GUCY1A2: variants seen among roughly 807,000 people sequenced by gnomAD.
GUCY1A2 encodes the protein guanylate cyclase 1 soluble subunit alpha 2.
A neutral mutation model predicts 63.5 loss-of-function variants in GUCY1A2; 27 were observed. The observed-to-expected ratio is 0.43, with a 90% confidence interval of 0.31 to 0.59. The LOEUF is 0.59. GUCY1A2 is among the 20% of genes least tolerant of loss of function. GUCY1A2 has a pLI of 0.11. For synonymous variants in GUCY1A2, 364 were observed against 343.5 expected (o/e 1.06, Z -0.66); for missense variants, 768 against 913.3 (o/e 0.84, Z 2.05).
At chr11:106,909,126 A>C (rs575189009) in intron 4 of GUCY1A2, among the ~76,000 whole-genome samples, 9 of 152,020 alleles carry the variant, frequency 5.9e-5, no homozygotes, top group Non-Finnish European at 1.2e-4. Flanking sequence ...TATTATATAA[A>C]AGATAATAAG....
chr11:106,707,316 C>A (rs1024491776), intron 7 of GUCY1A2, among the ~76,000 whole-genome samples: 6 of 151,934 alleles, frequency 3.9e-5, no homozygotes, highest in African/African-American at 1.5e-4. Context: ...AATTTGGTAT[C>A]AAAAGTTTGA....
Position 106,687,690 on chromosome 11 carries a change from A to G in GUCY1A2, c.2058T>C (p.Phe686=). The change falls in exon 8 of 8, where the codon TTT becomes TTC. Residue 686 remains phenylalanine, a synonymous_variant. Transcript: ENST00000526355. ...PRSREELPDN[F]PKEIPGICYF... ...AGCAGATCCCAGGAATTTCCTTTGG[A>G]AAGTTGTCTGGAAGCTCTTCACGAG... is the stretch of plus-strand genomic sequence containing the variant. 6.2e-7 allele frequency: 1 copy of G among 1,613,552 alleles called. No homozygotes were observed. Among genetic ancestry groups the G allele is most frequent in the Non-Finnish European group, 8.5e-7 (1 of 1,179,464 alleles).
chr11:106,978,749 A>G lies in GUCY1A2; in HGVS notation c.366-9T>C. 6.3e-7 allele frequency: 1 copy of G among 1,588,556 alleles called. No homozygotes were observed. The highest frequency in any genetic ancestry group is 1.9e-5 in the Admixed American group (1 of 53,760). ...TTTCTGCATCCCTGTAACTAAGAAGAAAACAAAATTAGCATAAGGAGAAAT... is the reference window on the plus strand; with the variant it reads ...TTTCTGCATCCCTGTAACTAAGAAGGAAACAAAATTAGCATAAGGAGAAAT... On this transcript the variant is annotated splice_polypyrimidine_tract_variant and intron_variant, in intron 2 of 7. Coordinates refer to ENST00000526355, the MANE Select transcript of GUCY1A2 (RefSeq NM_000855.3).
chr11:106,803,272 T>C (rs181615876), intron 5 of GUCY1A2, among the ~76,000 whole-genome samples: 91 of 152,308 alleles, frequency 6.0e-4, no homozygotes, highest in Non-Finnish European at 9.1e-4. Context: ...AAATTCCATA[T>C]TGTAATTCAG....
chr11:106,682,690 A>G lies in GUCY1A2; in HGVS notation c.*4859T>C. ...AATCATGAAACATCTACATTCAATA[A>G]ACACAGATGCATACACACAAACTAA... On this transcript the variant is annotated 3_prime_UTR_variant, in exon 8 of 8. Coordinates refer to ENST00000526355, the MANE Select transcript of GUCY1A2 (RefSeq NM_000855.3). 4.7e-6 allele frequency: 1 copy of G among 211,302 alleles called. No homozygotes were observed. Among genetic ancestry groups the G allele is most frequent in the East Asian group, 7.1e-5 (1 of 14,098 alleles). The allele number at this position is 211,302 out of a possible 1,614,324, so 13.1% of individuals were successfully genotyped here. A position where few individuals can be genotyped will look rare whatever the true frequency, so the allele number is the denominator to read the frequency against.
intron 5 of GUCY1A2, among the ~76,000 whole-genome samples, chr11:106,791,517 A>T (rs1012593340): frequency 1.4e-5 from 2 of 143,024 alleles, no homozygotes; most frequent in Admixed American, 1.5e-4. Context: ...GTGCTTGTTG[A>T]ATTTGGTGTC....
chr11:106,986,656 A>G (rs575490881), intron 1 of GUCY1A2, among the ~76,000 whole-genome samples: 1 of 152,184 alleles, frequency 6.6e-6, no homozygotes. Context: ...TTTAAACTTA[A>G]ATGATATTTT....
chr11:106,747,181 A>G (rs1863804333), intron 6 of GUCY1A2, among the ~76,000 whole-genome samples: 1 of 151,894 alleles, frequency 6.6e-6, no homozygotes, highest in East Asian at 1.9e-4. Context: ...GTAGAGATGG[A>G]GTTTCACCGT....
chr11:107,012,033 T>C (rs1171036201), intron 1 of GUCY1A2, among the ~76,000 whole-genome samples: 1 of 152,180 alleles, frequency 6.6e-6, no homozygotes, highest in Non-Finnish European at 1.5e-5. Flanking sequence ...TCATGAAATA[T>C]CTACATTCTA....
intron 6 of GUCY1A2, among the ~76,000 whole-genome samples, chr11:106,718,847 T>C (rs1325700623): frequency 6.6e-6 from 1 of 152,114 alleles, no homozygotes. Context: ...AATAGCAGAA[T>C]TCAAGGATGA....
chr11:106,798,151 C>T (rs1178235586), intron 5 of GUCY1A2, among the ~76,000 whole-genome samples: 2 of 152,100 alleles, frequency 1.3e-5, no homozygotes, highest in Non-Finnish European at 2.9e-5. Flanking sequence ...CGCAAATAAA[C>T]TAGAAAATCT....
At chr11:106,753,218 G>T (rs924036432) in intron 6 of GUCY1A2, among the ~76,000 whole-genome samples, 60 of 152,104 alleles carry the variant, frequency 3.9e-4, no homozygotes, top group Non-Finnish European at 7.1e-4. Flanking sequence ...GGGGTTGTTT[G>T]TATTTTTCTT....
chr11:106,987,170 T>A (rs1448796774), intron 1 of GUCY1A2, among the ~76,000 whole-genome samples: 5 of 152,244 alleles, frequency 3.3e-5, no homozygotes, highest in Admixed American at 2.6e-4. Flanking sequence ...CAAGGATGAA[T>A]TCTTGGGGAA....
chr11:106,872,444 G>A (rs894237902), intron 4 of GUCY1A2, among the ~76,000 whole-genome samples: 1 of 152,144 alleles, frequency 6.6e-6, no homozygotes. Flanking sequence ...AGGCTGGAAT[G>A]TTCTATGAAG....
intron 4 of GUCY1A2, among the ~76,000 whole-genome samples, chr11:106,876,250 T>C (rs1859747030): frequency 6.6e-6 from 1 of 151,906 alleles, no homozygotes; most frequent in Non-Finnish European, 1.5e-5. Context: ...CCCTTCAGAA[T>C]AGCCATTAGC....
chr11:106,781,691 G>A (rs1348861079), intron 5 of GUCY1A2, among the ~76,000 whole-genome samples: 3 of 150,752 alleles, frequency 2.0e-5, no homozygotes, highest in South Asian at 2.1e-4. Context: ...AGCCTCCCTT[G>A]TAGCTGGGAC....
chr11:106,926,367 G>T (rs1860521627), intron 4 of GUCY1A2, among the ~76,000 whole-genome samples: 1 of 151,686 alleles, frequency 6.6e-6, no homozygotes, highest in African/African-American at 2.4e-5. Flanking sequence ...GAACCTGAGA[G>T]GTATAGGCTG....
At chr11:106,702,586 G>T (rs1862834378) in intron 7 of GUCY1A2, among the ~76,000 whole-genome samples, 2 of 152,060 alleles carry the variant, frequency 1.3e-5, no homozygotes, top group East Asian at 3.9e-4. Flanking sequence ...TCCTACACTA[G>T]ATTCCTGTCT....
intron 4 of GUCY1A2, chr11:106,827,690 T>C: frequency 6.5e-7 from 1 of 1,546,684 alleles, no homozygotes; most frequent in East Asian, 2.2e-5. Context: ...TACTTGATTG[T>C]TCTTCAACAT....
Sources: allele counts gnomAD v4.1 joint callset (sites outside exome capture counted in the v4.1 genomes callset), GRCh38; gene constraint gnomAD v4.1.1; transcripts MANE v1.5; gene names NCBI Gene and HGNC (gene_info 2026-07-23, HGNC 2026-07-21).